Variants in SLC25A40 observed in about 807,000 individuals in gnomAD.
SLC25A40 encodes mitochondrial glutathione transporter SLC25A40.
A neutral mutation model predicts 46.5 loss-of-function variants in SLC25A40; 41 were observed. The observed-to-expected ratio is 0.88, with a 90% CI of 0.69 to 1.14. The LOEUF is 1.14. SLC25A40 is among the 50% of genes most tolerant of loss of function. The probability of loss-of-function intolerance (pLI) is 0.00; values close to 1 mark genes in which losing one functional copy is unlikely to be tolerated. For missense variants in SLC25A40, 386 were observed against 393.6 expected, an observed-to-expected ratio of 0.98 and a Z score of 0.16; for synonymous variants, 126 against 127.5, an observed-to-expected ratio of 0.99 and a Z score of 0.08.
chr7:87,857,204 A>T (rs1024454839), intron 3 of SLC25A40, among the ~76,000 whole-genome samples: 1 of 152,214 alleles, frequency 6.6e-6, no homozygotes, highest in African/African-American at 2.4e-5. Context: ...ATTATTTGTA[A>T]TTGTTACGAA....
chr7:87,873,460 T>C (rs1180875278), intron 1 of SLC25A40, among the ~76,000 whole-genome samples: 2 of 134,590 alleles, frequency 1.5e-5, no homozygotes, highest in Non-Finnish European at 3.1e-5. Context: ...TGAGAGGGAG[T>C]CTCGCTCTGT....
intron 2 of SLC25A40, among the ~76,000 whole-genome samples, chr7:87,859,314 T>G (rs1011152822): frequency 1.3e-5 from 2 of 151,634 alleles, no homozygotes; most frequent in Admixed American, 1.3e-4. Context: ...ATTAGCCAGG[T>G]GTCTGTAGTC....
chr7:87,847,824 CA>C, intron 7 of SLC25A40, 28 bp downstream of exon 7: 1 of 1,583,806 alleles, frequency 6.3e-7, no homozygotes, highest in Non-Finnish European at 8.5e-7. Context: ...AAACAGAAAT[CA>C]AAATGAAAAT....
At chr7:87,873,092 A>T (rs924159247) in intron 1 of SLC25A40, among the ~76,000 whole-genome samples, 3 of 152,246 alleles carry the variant, frequency 2.0e-5, no homozygotes, top group Non-Finnish European at 2.9e-5. Flanking sequence ...CACATTTCAG[A>T]AGACGACATA....
intron 7 of SLC25A40, 60 bp from the exon 8 acceptor site, chr7:87,847,182 A>G: frequency 1.7e-6 from 2 of 1,199,176 alleles, no homozygotes; most frequent in South Asian, 5.4e-5. Context: ...ATGCAAACAC[A>G]TATACTGTAA....
chr7:87,847,100 A>T lies in SLC25A40; in HGVS notation c.480T>A (p.Ser160Arg). Residue 160 changes from serine (S) to arginine (R), a missense_variant, in exon 8 of 12, where the codon AGT (serine) becomes AGA (arginine). Ser to Arg is a moderately radical substitution (Grantham distance 110, BLOSUM62 -1). Coordinates refer to ENST00000341119, the MANE Select transcript of SLC25A40 (RefSeq NM_018843.4). ...VARFGAVTVI[S>R]PLELIRTKMQ... ...TCTTGGTTCTAATCAATTCTAGTGG[A>T]CTTATCACAGTTACTGCACCAACTA... 6.2e-7 allele frequency: 1 copy of T among 1,610,876 alleles called. No individual in the cohort carries two copies. Among genetic ancestry groups the T allele is most frequent in the Non-Finnish European group, 8.5e-7 (1 of 1,178,630 alleles).
chr7:87,844,739 C>T (rs2130999953), intron 8 of SLC25A40, among the ~76,000 whole-genome samples: 1 of 151,222 alleles, frequency 6.6e-6, no homozygotes, highest in Non-Finnish European at 1.5e-5. Flanking sequence ...GCACAAGCTA[C>T]AAAGATTTAA....
intron 1 of SLC25A40, among the ~76,000 whole-genome samples, chr7:87,864,230 G>A (rs1584336371): frequency 6.6e-6 from 1 of 152,136 alleles, no homozygotes; most frequent in Admixed American, 6.5e-5. Flanking sequence ...TAATTGATAT[G>A]TATTAGGTGC....
chr7:87,870,749 G>C (rs1385576596), intron 1 of SLC25A40, among the ~76,000 whole-genome samples: 2 of 152,140 alleles, frequency 1.3e-5, no homozygotes. Context: ...CCGGACCTTA[G>C]GGTAAGATTA....
chr7:87,865,293 CT>C (rs1050865129), intron 1 of SLC25A40, among the ~76,000 whole-genome samples: 1 of 151,294 alleles, frequency 6.6e-6, no homozygotes, highest in African/African-American at 2.4e-5. Context: ...CAAGAGAAAA[CT>C]AAAAAAAAAG....
chr7:87,866,173 T>G (rs2131020156), intron 1 of SLC25A40, among the ~76,000 whole-genome samples: 1 of 152,310 alleles, frequency 6.6e-6, no homozygotes, highest in Non-Finnish European at 1.5e-5. Flanking sequence ...TTTTCACACG[T>G]TTTTTTCCTC....
In SLC25A40 at chr7:87,835,979, C is replaced by A. The variant is rs201704132; in HGVS notation, c.*270G>T. 63 of 294,450 alleles carry A rather than the reference C, an allele frequency of 2.1e-4. 2 individuals carry two copies. In the East Asian group the frequency reaches 5.2e-3, roughly 24 times the overall value. 18.2% of individuals were successfully genotyped at this position (294,450 alleles called of 1,614,324 possible). A position where few individuals can be genotyped will look rare whatever the true frequency, so the allele number is the denominator to read the frequency against. Reference sequence around the variant, plus strand: ...ACTGAAACATATAATATTAAACTTTCAAGAGACTGCTTTTGATGCTAAGGA... The same window carrying A: ...ACTGAAACATATAATATTAAACTTTAAAGAGACTGCTTTTGATGCTAAGGA... On this transcript the variant is annotated 3_prime_UTR_variant, in exon 12 of 12. Coordinates refer to ENST00000341119, the MANE Select transcript of SLC25A40 (RefSeq NM_018843.4).
intron 1 of SLC25A40, among the ~76,000 whole-genome samples, chr7:87,871,691 T>C (rs767349406): frequency 3.9e-5 from 6 of 152,186 alleles, no homozygotes; most frequent in East Asian, 1.9e-4. Flanking sequence ...CCTTTGTATA[T>C]AGAATTGGTT....
intron 8 of SLC25A40, among the ~76,000 whole-genome samples, chr7:87,846,468 G>C (rs1838422328): frequency 6.6e-6 from 1 of 152,044 alleles, no homozygotes; most frequent in African/African-American, 2.4e-5. Context: ...TTTCATAACT[G>C]AGTAATCAGT....
rs547677581 is a variant in SLC25A40 at position 87,859,243 on chromosome 7, G to A, written c.-24-492C>T. On this transcript the variant is annotated intron_variant, in intron 2 of 11. Coordinates refer to ENST00000341119, the MANE Select transcript of SLC25A40 (RefSeq NM_018843.4). Reference sequence around the variant, plus strand: ...GCCGAGGCGGGCGCATCATGAGGTCGGGAGATCGAGACCAACCTGGCTAAC... The same window carrying A: ...GCCGAGGCGGGCGCATCATGAGGTCAGGAGATCGAGACCAACCTGGCTAAC... Among the ~76,000 whole-genome samples the A allele has an allele frequency of 7.2e-5, 11 of 151,936 alleles. No homozygotes were observed. The South Asian group carries it at 1.0e-3, about 14-fold the overall frequency.
At chr7:87,837,993 A>G (rs766918699) in intron 10 of SLC25A40, among the ~76,000 whole-genome samples, 1 of 151,508 alleles carries the variant, frequency 6.6e-6, no homozygotes, top group Admixed American at 6.6e-5. Flanking sequence ...GACTTTCTAG[A>G]ATTTTGCCAC....
At chr7:87,864,465 G>C (rs933085025) in intron 1 of SLC25A40, among the ~76,000 whole-genome samples, 3 of 152,124 alleles carry the variant, frequency 2.0e-5, no homozygotes, top group Non-Finnish European at 4.4e-5. Context: ...GTTCCCTTTA[G>C]ATCTATTAAT....
intron 4 of SLC25A40, among the ~76,000 whole-genome samples, chr7:87,855,926 A>G (rs1431677140): frequency 6.6e-6 from 1 of 152,176 alleles, no homozygotes; most frequent in Non-Finnish European, 1.5e-5. Flanking sequence ...ATTTCCAATC[A>G]CTATATTCAA....
At chr7:87,856,149 T>C in intron 4 of SLC25A40, 143 bp downstream of exon 4, 1 of 668,664 alleles carries the variant, frequency 1.5e-6, no homozygotes, top group Non-Finnish European at 2.6e-6. Flanking sequence ...CACGTACAAC[T>C]AAATGGTGAA....
Sources: allele counts gnomAD v4.1 joint callset (sites outside exome capture counted in the v4.1 genomes callset), GRCh38; gene constraint gnomAD v4.1.1; transcripts MANE v1.5; gene names NCBI Gene and HGNC (gene_info 2026-07-23, HGNC 2026-07-21).